Variants in TMEM95 observed in about 807,000 individuals in gnomAD.
The protein encoded by TMEM95 is sperm-egg fusion protein TMEM95.
TMEM95 carries 21 observed loss-of-function variants against 27.7 expected under a neutral mutation model. The observed-to-expected ratio is 0.76, with a 90% CI of 0.54 to 1.09. The LOEUF (loss-of-function observed/expected upper bound fraction) is 1.09, where lower values mean the gene tolerates loss of function less well. TMEM95 is among the 50% of genes least tolerant of loss of function. The pLI, the probability that TMEM95 is intolerant of heterozygous loss-of-function variation, is 0.00. For missense variants in TMEM95, 203 were observed against 217.9 expected (o/e 0.93, Z 0.43); for synonymous variants, 77 against 85.7 (o/e 0.90, Z 0.56).
At position 7,355,396 on chromosome 17, in the gene TMEM95, GGGCC is replaced by G; in HGVS notation, c.169+24_169+27del. On this transcript the variant is annotated intron_variant, in intron 1 of 6. Transcript: ENST00000576060. This position sits in a 1 kb window ranked among gnomAD's most constrained non-coding sequence, Gnocchi z 4.9. ...TAGGTAGGACCAGACATCCAGGGAT[GGGCC>G]CAGCAAGCACTCACCCCCCTACCCC... The G allele has an allele frequency of 6.2e-7, 1 of 1,600,062 alleles. No homozygotes were observed. The highest frequency in any genetic ancestry group is 8.5e-7 in the Non-Finnish European group (1 of 1,170,612).
chr17:7,355,751 G>C lies in TMEM95; in HGVS notation c.227-87G>C, dbSNP rs148039303. ...GAAGGGTGGAGGGGTAGAGACAGGA[G>C]GGCTGATCAGGGAGGGGCTGCGTGA... On this transcript the variant is annotated intron_variant, in intron 2 of 6. Coordinates refer to ENST00000576060, the MANE Select transcript of TMEM95 (RefSeq NM_001320436.2). The surrounding 1 kb of genome is among the most constrained non-coding windows in gnomAD (Gnocchi z 4.9). 1,370 of 1,507,572 alleles carry C rather than the reference G, an allele frequency of 9.1e-4. 11 individuals are homozygous for C. The African/African-American group carries it at 0.019, about 20-fold the overall frequency. 93.4% of individuals were successfully genotyped at this position (1,507,572 alleles called of 1,614,324 possible). A position where few individuals can be genotyped will look rare whatever the true frequency, so the allele number is the denominator to read the frequency against.
rs1039853573 is a variant in TMEM95 at position 7,356,992 on chromosome 17, C to T, written c.*360C>T. On this transcript the variant is annotated 3_prime_UTR_variant, in exon 7 of 7. Transcript: ENST00000576060. ...CCCACCACACCCACACCCCCTTCTG[C>T]CTGTTCCGGGAAAGCGGGGGCATCT... is the stretch of plus-strand genomic sequence containing the variant. The T allele has an allele frequency of 2.9e-6, 1 of 345,344 alleles. No individual in the cohort carries two copies. Among genetic ancestry groups the T allele is most frequent in the Non-Finnish European group, 5.3e-6 (1 of 190,352 alleles). 21.4% of individuals were successfully genotyped at this position (345,344 alleles called of 1,614,324 possible).
At chr17:7,356,310 G>A (rs1272140820) in intron 5 of TMEM95, 34 bp downstream of exon 5, 1 of 1,602,002 alleles carries the variant, frequency 6.2e-7, no homozygotes, top group Non-Finnish European at 8.5e-7. Context: ...GCCCCACCTT[G>A]CCCAGATCCC....
chr17:7,355,413 A>ACC lies in TMEM95; in HGVS notation c.169+45_169+46dup. On this transcript the variant is annotated intron_variant, in intron 1 of 6. Transcript: ENST00000576060. This position sits in a 1 kb window ranked among gnomAD's most constrained non-coding sequence, Gnocchi z 4.9. ...CCAGGGATGGGCCCAGCAAGCACTC[A>ACC]CCCCCCTACCCCCAGAGGGTGGCAT... 6.3e-7 allele frequency: 1 copy of ACC among 1,582,966 alleles called. No homozygotes were observed.
chr17:7,356,750 C>T lies in TMEM95; in HGVS notation c.*118C>T, dbSNP rs754433194. 173 of 1,124,196 alleles carry T rather than the reference C, an allele frequency of 1.5e-4. No individual in the cohort carries two copies. Among genetic ancestry groups the T allele is most frequent in the Non-Finnish European group, 2.1e-4 (166 of 783,154 alleles). The allele number at this position is 1,124,196 out of a possible 1,614,324, so 69.6% of individuals were successfully genotyped here. A position where few individuals can be genotyped will look rare whatever the true frequency, so the allele number is the denominator to read the frequency against. Reference sequence around the variant, plus strand: ...CAGCTCCAAAGACAGTCTCCAGACCCTAAAACCCAGACATCCCTGCTTCTG... The same window carrying T: ...CAGCTCCAAAGACAGTCTCCAGACCTTAAAACCCAGACATCCCTGCTTCTG... On this transcript the variant is annotated 3_prime_UTR_variant, in exon 7 of 7. Transcript: ENST00000576060.
Position 7,355,917 on chromosome 17 carries a change from A to G in TMEM95, c.306A>G (p.Glu102=). The G allele has an allele frequency of 1.2e-6, 2 of 1,613,600 alleles. No homozygotes were observed. Among genetic ancestry groups the G allele is most frequent in the Non-Finnish European group, 1.7e-6 (2 of 1,179,586 alleles). ...CCAAGCTCCCTGAGTACACCAGGGAAGGTACCGATGCGGGATGGGCCTCAA... is the reference window on the plus strand; with the variant it reads ...CCAAGCTCCCTGAGTACACCAGGGAGGGTACCGATGCGGGATGGGCCTCAA... ...RKTKLPEYTR[E]ALCPPACRGS... Residue 102 remains glutamate (E), a splice_region_variant and synonymous_variant, in exon 3 of 7, where the codon GAA becomes GAG. Coordinates refer to ENST00000576060, the MANE Select transcript of TMEM95 (RefSeq NM_001320436.2). The surrounding 1 kb of genome is among the most constrained non-coding windows in gnomAD (Gnocchi z 4.9).
At position 7,355,253 on chromosome 17, in the gene TMEM95, T is replaced by G; in HGVS notation, c.49T>G (p.Cys17Gly). Residue 17 changes from cysteine to glycine, a missense_variant, in exon 1 of 7, where the codon TGT (cysteine) becomes GGT (glycine). Physicochemically the swap from Cys to Gly is radical, Grantham distance 159 (BLOSUM62 -3). Transcript: ENST00000576060. This position sits in a 1 kb window ranked among gnomAD's most constrained non-coding sequence, Gnocchi z 4.9. ...GGTTTTCCTGGCAGCCGCCCAGGCT[T>G]GTGTCTTCTGTCGCCTCCCAGCCCA... is the stretch of plus-strand genomic sequence containing the variant. ...GGVFLAAAQA[C>G]VFCRLPAHDL... 1 of 1,613,890 alleles carries G rather than the reference T, an allele frequency of 6.2e-7. No individual in the cohort carries two copies. Among genetic ancestry groups the G allele is most frequent in the Non-Finnish European group, 8.5e-7 (1 of 1,179,910 alleles).
At position 7,355,418 on chromosome 17, in the gene TMEM95, C is replaced by A; in HGVS notation, c.169+45C>A. The A allele has an allele frequency of 1.3e-6, 2 of 1,587,132 alleles. No homozygotes were observed. Among genetic ancestry groups the A allele is most frequent in the Non-Finnish European group, 1.7e-6 (2 of 1,164,166 alleles). On this transcript the variant is annotated intron_variant, in intron 1 of 6. Transcript: ENST00000576060. The surrounding 1 kb of genome is among the most constrained non-coding windows in gnomAD (Gnocchi z 4.9). ...GATGGGCCCAGCAAGCACTCACCCC[C>A]CTACCCCCAGAGGGTGGCATGTGAC...
chr17:7,355,974 G>C lies in TMEM95; in HGVS notation c.308-55G>C. ...CCTAGGGTCTTAACCAAAGGAATGT[G>C]TGGTGAGCAGCTCATCCATTCACAC... is the stretch of plus-strand genomic sequence containing the variant. On this transcript the variant is annotated intron_variant, in intron 3 of 6. Coordinates refer to ENST00000576060, the MANE Select transcript of TMEM95 (RefSeq NM_001320436.2). This position sits in a 1 kb window ranked among gnomAD's most constrained non-coding sequence, Gnocchi z 4.9. 2 of 1,613,612 alleles carry C rather than the reference G, an allele frequency of 1.2e-6. No homozygotes were observed. The highest frequency in any genetic ancestry group is 2.2e-5 in the South Asian group (2 of 91,084).
chr17:7,356,509 A>T, intron 6 of TMEM95, 30 bp downstream of exon 6: 1 of 1,611,444 alleles, frequency 6.2e-7, no homozygotes, highest in South Asian at 1.1e-5. Context: ...CAGGAATCCT[A>T]CCCCGCCCAG....
In TMEM95 at chr17:7,356,022, A is replaced by G. The variant is rs370109386; in HGVS notation, c.308-7A>G. On this transcript the variant is annotated splice_region_variant and splice_polypyrimidine_tract_variant and intron_variant, in intron 3 of 6. Transcript: ENST00000576060. ...CACCCCCACCCCTTCCTTGTCTTTCATTTCAGCTCTCTGTCCCCCCGCCTG... is the reference window on the plus strand; with the variant it reads ...CACCCCCACCCCTTCCTTGTCTTTCGTTTCAGCTCTCTGTCCCCCCGCCTG... The G allele has an allele frequency of 1.9e-4, 305 of 1,613,760 alleles. 1 individual carries two copies. The Middle Eastern group carries it at 2.3e-3, about 12-fold the overall frequency.
chr17:7,356,452 T>C lies in TMEM95; in HGVS notation c.470T>C (p.Leu157Pro). ...CTCTCCATCTTCGGAGCTTTCCTGCTTCTGGGTGTTCTGAGCCTCCTGGTG... is the reference window on the plus strand; with the variant it reads ...CTCTCCATCTTCGGAGCTTTCCTGCCTCTGGGTGTTCTGAGCCTCCTGGTG... ...LLLSIFGAFL[L>P]LGVLSLLVES... Residue 157 changes from leucine to proline, a missense_variant, in exon 6 of 7, where the codon CTT (leucine) becomes CCT (proline). Transcript: ENST00000576060. 1 of 1,614,094 alleles carries C rather than the reference T, an allele frequency of 6.2e-7. No individual in the cohort carries two copies. The highest frequency in any genetic ancestry group is 2.2e-5 in the East Asian group (1 of 44,858).
rs199790335 is a variant in TMEM95 at position 7,355,322 on chromosome 17, G to A, written c.118G>A (p.Ala40Thr). The change falls in exon 1 of 7, where the codon GCC becomes ACC. Residue 40 changes from alanine to threonine, a missense_variant. By Grantham distance (58) the Ala-to-Thr change is moderately conservative. Transcript: ENST00000576060. This position sits in a 1 kb window ranked among gnomAD's most constrained non-coding sequence, Gnocchi z 4.9. The stretch of plus-strand genomic sequence containing the variant: ...GGCTCGGCTCTGCAGCCAGATGGAG[G>A]CCAGGCAGAAGGAATGTGGGGCCTC... The part of the protein sequence containing the change: ...RLARLCSQME[A>T]RQKECGASPD... 48 of 1,614,104 alleles carry A rather than the reference G, an allele frequency of 3.0e-5. No homozygotes were observed. The East Asian group carries it at 6.9e-4, about 23-fold the overall frequency.
At chr17:7,356,138 C>T in intron 4 of TMEM95, 58 bp from the exon 5 acceptor site, 1 of 1,602,834 alleles carries the variant, frequency 6.2e-7, no homozygotes, top group South Asian at 1.1e-5. Context: ...AGCTGGGTAC[C>T]AGGCAGGGTG....
Position 7,356,063 on chromosome 17 carries a change from G to C in TMEM95, c.328+14G>C. 3 of 1,614,044 alleles carry C rather than the reference G, an allele frequency of 1.9e-6. No individual in the cohort carries two copies. The highest frequency in any genetic ancestry group is 2.5e-6 in the Non-Finnish European group (3 of 1,179,956). On this transcript the variant is annotated intron_variant, in intron 4 of 6. Transcript: ENST00000576060. Reference sequence around the variant, plus strand: ...CCCCCGCCTGCCGTGAGTAGGAAAGGAAAGGGGTAGCAAGGACCTGGGGCC... The same window carrying C: ...CCCCCGCCTGCCGTGAGTAGGAAAGCAAAGGGGTAGCAAGGACCTGGGGCC...
Position 7,356,823 on chromosome 17 carries a change from C to T in TMEM95, c.*191C>T, listed in dbSNP as rs1204558216. ...AGAAAATCCCCAAAAACCCAGATCC[C>T]CCACAATCCCAGTGTCAGATGGCCT... is the stretch of plus-strand genomic sequence containing the variant. On this transcript the variant is annotated 3_prime_UTR_variant, in exon 7 of 7. Coordinates refer to ENST00000576060, the MANE Select transcript of TMEM95 (RefSeq NM_001320436.2). 2 of 645,626 alleles carry T rather than the reference C, an allele frequency of 3.1e-6. No homozygotes were observed. Among genetic ancestry groups the T allele is most frequent in the African/African-American group, 3.7e-5 (2 of 53,736 alleles). 40.0% of individuals were successfully genotyped at this position (645,626 alleles called of 1,614,324 possible). A position where few individuals can be genotyped will look rare whatever the true frequency, so the allele number is the denominator to read the frequency against.
chr17:7,356,050 G>T lies in TMEM95; in HGVS notation c.328+1G>T. On this transcript the variant is annotated splice_donor_variant, in intron 4 of 6. Coordinates refer to ENST00000576060, the MANE Select transcript of TMEM95 (RefSeq NM_001320436.2). LOFTEE classifies it high-confidence loss of function. ...TCAGCTCTCTGTCCCCCCGCCTGCC[G>T]TGAGTAGGAAAGGAAAGGGGTAGCA... is the stretch of plus-strand genomic sequence containing the variant. 1 of 1,613,946 alleles carries T rather than the reference G, an allele frequency of 6.2e-7. No homozygotes were observed. The highest frequency in any genetic ancestry group is 8.5e-7 in the Non-Finnish European group (1 of 1,179,934).
In TMEM95 at chr17:7,356,806, C is replaced by A; in HGVS notation, c.*174C>A. 1 of 703,494 alleles carries A rather than the reference C, an allele frequency of 1.4e-6. No individual in the cohort carries two copies. Among genetic ancestry groups the A allele is most frequent in the Non-Finnish European group, 2.3e-6 (1 of 437,462 alleles). The allele number at this position is 703,494 out of a possible 1,614,324, so 43.6% of individuals were successfully genotyped here. A position where few individuals can be genotyped will look rare whatever the true frequency, so the allele number is the denominator to read the frequency against. On this transcript the variant is annotated 3_prime_UTR_variant, in exon 7 of 7. Coordinates refer to ENST00000576060, the MANE Select transcript of TMEM95 (RefSeq NM_001320436.2). ...TGAGATAATGAAAAACAAGAAAATCCCCAAAAACCCAGATCCCCCACAATC... is the reference window on the plus strand; with the variant it reads ...TGAGATAATGAAAAACAAGAAAATCACCAAAAACCCAGATCCCCCACAATC...
At position 7,355,723 on chromosome 17, in the gene TMEM95, A is replaced by G. The variant is rs575620909; in HGVS notation, c.226+81A>G. The stretch of plus-strand genomic sequence containing the variant: ...ACGGGTGACAGGGGTTGGGGTGGGC[A>G]GGGAAGGGTGGAGGGGTAGAGACAG... On this transcript the variant is annotated intron_variant, in intron 2 of 6. Transcript: ENST00000576060. The surrounding 1 kb of genome is among the most constrained non-coding windows in gnomAD (Gnocchi z 4.9). 1.4e-4 allele frequency: 112 copies of G among 788,546 alleles called. No homozygotes were observed. In the African/African-American group the frequency reaches 1.6e-3, roughly 12 times the overall value. 48.8% of individuals were successfully genotyped at this position (788,546 alleles called of 1,614,324 possible).
Sources: gnomAD v4.1 joint callset for allele counts on GRCh38, gnomAD v4.1.1 for gene constraint, Gnocchi (gnomAD v3.1) non-coding constraint, MANE v1.5 for transcripts, NCBI Gene and HGNC (gene_info 2026-07-23, HGNC 2026-07-21) for gene names.